Variants in THBS4 observed in about 807,000 individuals in gnomAD.
THBS4 encodes the protein thrombospondin 4.
In THBS4, 90 loss-of-function variants were observed where a neutral mutation model predicts 115.7. The ratio of observed to expected loss-of-function variants is 0.78; its 90% CI spans 0.66 to 0.93. The LOEUF is 0.93. Among genes scored for constraint, THBS4 ranks in the 40% least tolerant of loss-of-function variants. The pLI, the probability that THBS4 is intolerant of heterozygous loss-of-function variation, is 0.00. For missense variants in THBS4, 1,087 were observed against 1,232.7 expected (o/e 0.88, Z 1.77); for synonymous variants, 460 against 479.3 (o/e 0.96, Z 0.53).
intron 2 of THBS4, among the ~76,000 whole-genome samples, chr5:80,045,906 T>C (rs760651642): frequency 6.6e-6 from 1 of 152,144 alleles, no homozygotes; most frequent in Non-Finnish European, 1.5e-5. Flanking sequence ...TTCACAATAT[T>C]CCTATGACAT....
At chr5:80,025,110 A>T (rs1832449894) in intron 2 of THBS4, among the ~76,000 whole-genome samples, 1 of 152,224 alleles carries the variant, frequency 6.6e-6, no homozygotes, top group Non-Finnish European at 1.5e-5. Flanking sequence ...ATCAAATATA[A>T]GACAAAGCTC....
In THBS4 at chr5:80,071,264, C is replaced by T. The variant is rs878917603; in HGVS notation, c.1720+84C>T. 50 of 1,500,416 alleles carry T rather than the reference C, an allele frequency of 3.3e-5. No individual in the cohort carries two copies. In the South Asian group the frequency reaches 6.9e-4, roughly 21 times the overall value. The allele number at this position is 1,500,416 out of a possible 1,614,324, so 92.9% of individuals were successfully genotyped here. ...CTCTGAGAGAGTAGGAATAGAATGA[C>T]TGATTCGGAGCCTTCCAGCTGTGGG... On this transcript the variant is annotated intron_variant, in intron 13 of 21. Transcript: ENST00000350881.
At chr5:80,041,233 C>CA (rs1443740812) in intron 2 of THBS4, among the ~76,000 whole-genome samples, 1 of 152,200 alleles carries the variant, frequency 6.6e-6, no homozygotes, top group Non-Finnish European at 1.5e-5. Flanking sequence ...ATGATGAAGA[C>CA]AGACAGCAAG....
chr5:80,079,797 A>G, intron 19 of THBS4, 108 bp from the exon 20 acceptor site: 1 of 1,207,410 alleles, frequency 8.3e-7, no homozygotes, highest in Non-Finnish European at 1.2e-6. Context: ...AATCCAAGGC[A>G]GCCGGATTAT....
intron 2 of THBS4, among the ~76,000 whole-genome samples, chr5:80,014,285 G>C (rs182715592): frequency 4.6e-5 from 7 of 152,138 alleles, no homozygotes; most frequent in African/African-American, 1.7e-4. Flanking sequence ...TGGATGTAAC[G>C]GTGGCCTCCA....
chr5:80,051,699 A>G (rs966138615), intron 2 of THBS4, among the ~76,000 whole-genome samples: 1 of 152,248 alleles, frequency 6.6e-6, no homozygotes, highest in Non-Finnish European at 1.5e-5. Flanking sequence ...TTTATTTTCT[A>G]TATAAAAAGC....
chr5:80,083,059 C>T, intron 21 of THBS4, 21 bp from the exon 22 acceptor site: 4 of 1,611,796 alleles, frequency 2.5e-6, no homozygotes, highest in Non-Finnish European at 3.4e-6. Context: ...GCTAACCTCC[C>T]TGTGCCCATT....
chr5:80,064,876 G>T (rs189980373), intron 8 of THBS4, among the ~76,000 whole-genome samples: 22 of 151,956 alleles, frequency 1.4e-4, no homozygotes, highest in African/African-American at 4.6e-4. Flanking sequence ...GGGAGTTCAT[G>T]GGCTAGGAGG....
intron 3 of THBS4, among the ~76,000 whole-genome samples, chr5:80,057,980 G>A (rs558589416): frequency 2.0e-5 from 3 of 152,308 alleles, no homozygotes; most frequent in African/African-American, 4.8e-5. Flanking sequence ...CTGTCTTGGT[G>A]ACAATGCCAG....
In THBS4 at chr5:80,058,250, C is replaced by G; in HGVS notation, c.585C>G (p.Phe195Leu). 6.3e-7 allele frequency: 1 copy of G among 1,579,134 alleles called. No homozygotes were observed. Among genetic ancestry groups the G allele is most frequent in the African/African-American group, 1.3e-5 (1 of 74,452 alleles). The change falls in exon 4 of 22, where the codon TTC becomes TTG. Residue 195 changes from phenylalanine (F) to leucine (L), a missense_variant. Phe to Leu is a conservative substitution (Grantham distance 22). Around this residue, in one of 3 missense-constraint regions of THBS4, gnomAD observed 979 missense variants for 1,103.7 expected, o/e 0.89. Transcript: ENST00000350881. ...AGCTGGTGGTGAGAGGCTCACTGTTCCAGGTGGCCAGCCTGCAAGACTGCT... is the reference window on the plus strand; with the variant it reads ...AGCTGGTGGTGAGAGGCTCACTGTTGCAGGTGGCCAGCCTGCAAGACTGCT... ...ELKLVVRGSL[F>L]QVASLQDCFL...
chr5:80,044,969 C>T (rs1015990107), intron 2 of THBS4, among the ~76,000 whole-genome samples: 1 of 152,136 alleles, frequency 6.6e-6, no homozygotes, highest in African/African-American at 2.4e-5. Context: ...GAGTCACAAA[C>T]TGCATCACCA....
intron 2 of THBS4, among the ~76,000 whole-genome samples, chr5:80,017,833 T>C (rs1271264109): frequency 6.6e-6 from 1 of 152,226 alleles, no homozygotes; most frequent in Non-Finnish European, 1.5e-5. Flanking sequence ...CTCTTATTCT[T>C]AAACGATCTT....
rs56296474 is a variant in THBS4 at position 80,054,318 on chromosome 5, C to CT, written c.293-1447dup. 5.8e-3 allele frequency among the ~76,000 whole-genome samples: 722 copies of CT among 123,908 alleles called. 4 individuals carry two copies. Among genetic ancestry groups the CT allele is most frequent in the African/African-American group, 0.014 (460 of 32,404 alleles). 81.3% of individuals were successfully genotyped at this position (123,908 alleles called of 152,430 possible). On this transcript the variant is annotated intron_variant, in intron 2 of 21. Coordinates refer to ENST00000350881, the MANE Select transcript of THBS4 (RefSeq NM_003248.6). The stretch of plus-strand genomic sequence containing the variant: ...ACAAGTATGTGCCACCACACCTGGC[C>CT]TTTTTTTTTTTTTTTTTTTTGAAAT...
Position 80,079,113 on chromosome 5 carries a change from C to A in THBS4, c.2366C>A (p.Thr789Asn). ...TTCGAAGGGACCTTCCATGTGAATA[C>A]CCAGACAGATGATGACTATGCAGGC... ...VDFEGTFHVN[T>N]QTDDDYAGFI... Residue 789 changes from threonine to asparagine, a missense_variant, in exon 19 of 22, where the codon ACC becomes AAC. This residue lies in a region of THBS4 where 979 missense variants were observed against 1,103.7 expected (regional missense o/e 0.89). Coordinates refer to ENST00000350881, the MANE Select transcript of THBS4 (RefSeq NM_003248.6). 6.2e-7 allele frequency: 1 copy of A among 1,614,124 alleles called. No individual in the cohort carries two copies. The highest frequency in any genetic ancestry group is 2.2e-5 in the East Asian group (1 of 44,882).
chr5:80,055,574 G>A (rs1380075625), intron 2 of THBS4, among the ~76,000 whole-genome samples: 1 of 122,090 alleles, frequency 8.2e-6, no homozygotes, highest in Non-Finnish European at 1.7e-5. Flanking sequence ...CTCAGGAGAA[G>A]AGTTGGTTCC....
chr5:80,020,985 A>C (rs967494341), intron 2 of THBS4, among the ~76,000 whole-genome samples: 2 of 152,210 alleles, frequency 1.3e-5, no homozygotes, highest in African/African-American at 4.8e-5. Context: ...TTAAAAACTG[A>C]TGTCACCTAA....
chr5:80,003,517 A>G lies in THBS4; in HGVS notation n.177+5090A>G, dbSNP rs1831951650. Among the ~76,000 whole-genome samples, 3 of 152,178 alleles carry G rather than the reference A, an allele frequency of 2.0e-5. No homozygotes were observed. In the South Asian group the frequency reaches 6.2e-4, roughly 31 times the overall value. On this transcript the variant is annotated intron_variant and non_coding_transcript_variant, in intron 2 of 3. Coordinates refer to the THBS4 transcript ENST00000510218. Reference sequence around the variant, plus strand: ...TACCTGTTTCTCACCAAATGGTTCAAGCAGCTGCCATGGTATTCTCATCTC... The same window carrying G: ...TACCTGTTTCTCACCAAATGGTTCAGGCAGCTGCCATGGTATTCTCATCTC...
chr5:80,034,175 T>G (rs1355686274), upstream of THBS4, among the ~76,000 whole-genome samples: 1 of 152,086 alleles, frequency 6.6e-6, no homozygotes, highest in Non-Finnish European at 1.5e-5. Context: ...TTCCAAAGAG[T>G]GACTGTAGTG....
chr5:80,065,440 G>A lies in THBS4; in HGVS notation c.1157G>A (p.Gly386Glu), dbSNP rs1439370230. Residue 386 changes from glycine to glutamate, a missense_variant, in exon 9 of 22, where the codon GGA becomes GAA. Gly to Glu is a moderately conservative substitution (Grantham distance 98). Around this residue, in one of 3 missense-constraint regions of THBS4, gnomAD observed 979 missense variants for 1,103.7 expected, o/e 0.89. Coordinates refer to ENST00000350881, the MANE Select transcript of THBS4 (RefSeq NM_003248.6). Reference sequence around the variant, plus strand: ...ACTGACATTGATGAGTGTCGAAATGGAGCGTGCGTTCCCAACTCGATCTGC... The same window carrying A: ...ACTGACATTGATGAGTGTCGAAATGAAGCGTGCGTTCCCAACTCGATCTGC... ...VCTDIDECRNGACVPNSICVN... is the reference protein window; with the variant it reads ...VCTDIDECRNEACVPNSICVN... The A allele has an allele frequency of 1.2e-6, 2 of 1,613,618 alleles. No homozygotes were observed. The highest frequency in any genetic ancestry group is 3.3e-5 in the Admixed American group (2 of 59,818).
Sources: allele counts gnomAD v4.1 joint callset (sites outside exome capture counted in the v4.1 genomes callset), GRCh38; gene constraint gnomAD v4.1.1; regional missense constraint gnomAD v4.1.1; transcripts MANE v1.5; gene names NCBI Gene and HGNC (gene_info 2026-07-23, HGNC 2026-07-21).